GALNT3: variants seen among roughly 807,000 people sequenced by gnomAD.
GALNT3 encodes GalNAc transferase 3.
A neutral mutation model predicts 69.8 loss-of-function variants in GALNT3; 51 were observed. The observed-to-expected ratio is 0.73, with a 90% CI of 0.58 to 0.92. The LOEUF (loss-of-function observed/expected upper bound fraction) is 0.92. Ranked by LOEUF, GALNT3 falls within the 40% of genes least tolerant of loss-of-function variation. The pLI is 0.00. For synonymous variants in GALNT3, 265 were observed against 248.5 expected (o/e 1.07, Z -0.63); for missense variants, 711 against 760.0 (o/e 0.94, Z 0.76).
chr2:165,758,605 T>G (rs1432068242), intron 6 of GALNT3, 142 bp downstream of exon 6: 9 of 616,902 alleles, frequency 1.5e-5, no homozygotes, highest in Non-Finnish European at 2.6e-5. Flanking sequence ...AAAATATTCT[T>G]ATTCCAAAAT....
Position 165,748,671 on chromosome 2 carries a change from A to ATAAGT in GALNT3, c.*105_*109dup, listed in dbSNP as rs1351617902. The ATAAGT allele has an allele frequency of 1.0e-6, 1 of 994,298 alleles. No homozygotes were observed. The highest frequency in any genetic ancestry group is 1.6e-5 in the African/African-American group (1 of 61,718). The allele number at this position is 994,298 out of a possible 1,614,324, so 61.6% of individuals were successfully genotyped here. A position where few individuals can be genotyped will look rare whatever the true frequency, so the allele number is the denominator to read the frequency against. ...TATAAATAAGAAAAATGCACTTGGA[A>ATAAGT]TAAGTTACATTTAGCTGCTTTTGCA... is the stretch of plus-strand genomic sequence containing the variant. On this transcript the variant is annotated 3_prime_UTR_variant, in exon 11 of 11. Transcript: ENST00000392701.
At chr2:165,789,941 T>A (rs901805494) in intron 1 of GALNT3, among the ~76,000 whole-genome samples, 4 of 152,186 alleles carry the variant, frequency 2.6e-5, no homozygotes, top group Non-Finnish European at 5.9e-5. Context: ...TTAAATTTTG[T>A]TTTGCTTTGT....
chr2:165,788,396 C>T (rs1683270211), intron 1 of GALNT3, among the ~76,000 whole-genome samples: 1 of 150,804 alleles, frequency 6.6e-6, no homozygotes. Context: ...CATTTCTACC[C>T]CAAAATTTTT....
chr2:165,792,787 T>TA (rs777859899), intron 1 of GALNT3, among the ~76,000 whole-genome samples: 4 of 151,870 alleles, frequency 2.6e-5, no homozygotes, highest in South Asian at 2.1e-4. Flanking sequence ...AAAGTTAAAT[T>TA]AAAAAAAAGA....
Position 165,757,031 on chromosome 2 carries a change from C to A in GALNT3, c.1392+16G>T, listed in dbSNP as rs753440832. The A allele has an allele frequency of 6.3e-7, 1 of 1,588,254 alleles. No homozygotes were observed. Among genetic ancestry groups the A allele is most frequent in the South Asian group, 1.1e-5 (1 of 90,388 alleles). On this transcript the variant is annotated intron_variant, in intron 7 of 10. Transcript: ENST00000392701. ...TATAGATTTTATTGCAATTTAACTA[C>A]TTAGCTTTAACTTACTTGTTTAACA... is the stretch of plus-strand genomic sequence containing the variant.
At chr2:165,772,194 T>C (rs1220142147) in intron 1 of GALNT3, among the ~76,000 whole-genome samples, 2 of 152,116 alleles carry the variant, frequency 1.3e-5, no homozygotes, top group Admixed American at 6.5e-5. Context: ...GGTTAAGAAA[T>C]TAAAGATAGC....
intron 1 of GALNT3, among the ~76,000 whole-genome samples, chr2:165,782,629 C>A (rs1352659991): frequency 6.6e-6 from 1 of 152,160 alleles, no homozygotes; most frequent in Non-Finnish European, 1.5e-5. Context: ...ACTATGAGTA[C>A]AACTGGAGCT....
chr2:165,783,617 T>G (rs748292161), intron 1 of GALNT3, among the ~76,000 whole-genome samples: 5 of 152,192 alleles, frequency 3.3e-5, no homozygotes, highest in Non-Finnish European at 7.3e-5. Context: ...TGGTCTCTAC[T>G]GCAACTATTC....
chr2:165,759,042 C>T (rs1249991130), intron 5 of GALNT3, among the ~76,000 whole-genome samples, 178 bp from the exon 6 acceptor site: 3 of 152,114 alleles, frequency 2.0e-5, no homozygotes, highest in South Asian at 2.1e-4. Context: ...GGGGGGAGTA[C>T]TTCGTGTCCT....
At position 165,754,817 on chromosome 2, in the gene GALNT3, T is replaced by G. The variant is rs960895796; in HGVS notation, c.1525-89A>C. On this transcript the variant is annotated intron_variant, in intron 8 of 10. Transcript: ENST00000392701. ...TAATTTAGAAAGTAATGTTAATGAT[T>G]ATAATGTAAAATCTCAAAAGCAATA... 25 of 1,378,682 alleles carry G rather than the reference T, an allele frequency of 1.8e-5. No individual in the cohort carries two copies. The Admixed American group carries it at 4.4e-4, about 24-fold the overall frequency. The allele number at this position is 1,378,682 out of a possible 1,614,324, so 85.4% of individuals were successfully genotyped here.
At chr2:165,773,035 T>C (rs1256090491) in intron 1 of GALNT3, among the ~76,000 whole-genome samples, 1 of 152,018 alleles carries the variant, frequency 6.6e-6, no homozygotes, top group Non-Finnish European at 1.5e-5. Context: ...GGTCAAAGGA[T>C]GGAGTGGAAT....
At position 165,770,242 on chromosome 2, in the gene GALNT3, G is replaced by C; in HGVS notation, c.459C>G (p.Phe153Leu). The change falls in exon 2 of 11, where the codon TTC becomes TTG. Residue 153 changes from phenylalanine (F) to leucine (L), a missense_variant. Phe to Leu is a conservative substitution (Grantham distance 22, BLOSUM62 0). Coordinates refer to ENST00000392701, the MANE Select transcript of GALNT3 (RefSeq NM_004482.4). ...GGTGCAAAGAAATCCTGTCACTTGC[G>C]AAAGCATTAAAGCAGTGTTTAGCTT... ...RGEAKHCFNA[F>L]ASDRISLHRD... The C allele has an allele frequency of 6.2e-7, 1 of 1,614,096 alleles. No individual in the cohort carries two copies. The highest frequency in any genetic ancestry group is 2.2e-5 in the East Asian group (1 of 44,874).
intron 1 of GALNT3, among the ~76,000 whole-genome samples, chr2:165,792,557 G>C (rs1683375536): frequency 6.6e-6 from 1 of 152,106 alleles, no homozygotes; most frequent in African/African-American, 2.4e-5. Context: ...TTAAAAAGAA[G>C]AAGAAAAATA....
intron 9 of GALNT3, among the ~76,000 whole-genome samples, chr2:165,754,015 A>G (rs1427611283): frequency 2.0e-5 from 3 of 152,174 alleles, no homozygotes; most frequent in Non-Finnish European, 4.4e-5. Flanking sequence ...AAAGAGCTAC[A>G]TAGAAGTTTC....
At chr2:165,768,153 C>CA (rs1299387640) in intron 2 of GALNT3, among the ~76,000 whole-genome samples, 1 of 151,932 alleles carries the variant, frequency 6.6e-6, no homozygotes. Context: ...ATCACGAAGT[C>CA]AAAAAACAAA....
At chr2:165,781,071 G>A (rs1683095867) in intron 1 of GALNT3, among the ~76,000 whole-genome samples, 1 of 152,110 alleles carries the variant, frequency 6.6e-6, no homozygotes, top group South Asian at 2.1e-4. Flanking sequence ...TTGTGATTCT[G>A]CTATTGGCAC....
chr2:165,749,876 G>C lies in GALNT3; in HGVS notation c.1645C>G (p.Gln549Glu), dbSNP rs750387449. 1 of 1,613,536 alleles carries C rather than the reference G, an allele frequency of 6.2e-7. No homozygotes were observed. Among genetic ancestry groups the C allele is most frequent in the Non-Finnish European group, 8.5e-7 (1 of 1,179,582 alleles). Residue 549 changes from glutamine (Q) to glutamate (E), a missense_variant, in exon 10 of 11, where the codon CAA (glutamine) becomes GAA (glutamate). By Grantham distance (29) the Gln-to-Glu change is conservative (BLOSUM62 2). Coordinates refer to ENST00000392701, the MANE Select transcript of GALNT3 (RefSeq NM_004482.4). ...GGNQYFEYSAQHEIRHNIQKE... is the reference protein window; with the variant it reads ...GGNQYFEYSAEHEIRHNIQKE... ...TGGATGTTGTGCCGAATTTCATGTT[G>C]AGCAGAGTATTCAAAGTACTATGGA...
At chr2:165,754,302 C>G (rs1688405313) in intron 9 of GALNT3, among the ~76,000 whole-genome samples, 1 of 150,580 alleles carries the variant, frequency 6.6e-6, no homozygotes, top group Non-Finnish European at 1.5e-5. Flanking sequence ...ATTCGCCAGG[C>G]TGGCCTTGAA....
intron 9 of GALNT3, among the ~76,000 whole-genome samples, chr2:165,750,896 C>G (rs902597065): frequency 6.6e-6 from 1 of 152,136 alleles, no homozygotes; most frequent in East Asian, 1.9e-4. Flanking sequence ...CCTTTTCTGC[C>G]TGGCTAACTC....
Sources: gnomAD v4.1 joint callset for allele counts (sites outside exome capture counted in the v4.1 genomes callset) on GRCh38, gnomAD v4.1.1 for gene constraint, MANE v1.5 for transcripts, NCBI Gene and HGNC (gene_info 2026-07-23, HGNC 2026-07-21) for gene names.